Variants in ANKRD11 observed in about 807,000 individuals in gnomAD.
The protein encoded by ANKRD11 is ankyrin repeat domain-containing protein 11.
A neutral mutation model predicts 195.7 loss-of-function variants in ANKRD11; 17 were observed. The ratio of observed to expected loss-of-function variants is 0.09; its 90% CI spans 0.06 to 0.13. The LOEUF (loss-of-function observed/expected upper bound fraction) is 0.13, where lower values mean the gene tolerates loss of function less well. Ranked by LOEUF, ANKRD11 falls within the 10% of genes least tolerant of loss-of-function variation. The pLI is 1.00. For synonymous variants in ANKRD11, 1,953 were observed against 1,528.1 expected (o/e 1.28, Z -6.49); for missense variants, 3,735 against 3,566.1 (o/e 1.05, Z -1.21).
intron 2 of ANKRD11, among the ~76,000 whole-genome samples, chr16:89,337,523 G>A (rs766590752): frequency 4.1e-4 from 50 of 122,232 alleles, no homozygotes; most frequent in Non-Finnish European, 5.1e-4. Context: ...TACAAGCTCC[G>A]CCTCCCGGGT....
At chr16:89,415,144 C>G (rs192807506) in intron 2 of ANKRD11, among the ~76,000 whole-genome samples, 1 of 151,254 alleles carries the variant, frequency 6.6e-6, no homozygotes, top group East Asian at 2.0e-4. Flanking sequence ...TGTAGAGATG[C>G]GGTCTCGTCA....
intron 1 of ANKRD11, among the ~76,000 whole-genome samples, chr16:89,420,803 AC>A (rs1488146969): frequency 1.3e-5 from 2 of 152,152 alleles, no homozygotes; most frequent in Non-Finnish European, 2.9e-5. Context: ...TGCGGCCTCA[AC>A]CTCCTGGGCC....
chr16:89,430,328 A>T (rs1434776073), intron 1 of ANKRD11, among the ~76,000 whole-genome samples: 26 of 131,726 alleles, frequency 2.0e-4, no homozygotes, highest in East Asian at 6.9e-4. Context: ...TCGCGCTCAG[A>T]CGTTCTAGTA....
In ANKRD11 at chr16:89,270,409, C is replaced by T. The variant is rs748395505; in HGVS notation, c.7806+408G>A. 7 of 304,186 alleles carry T rather than the reference C, an allele frequency of 2.3e-5. No homozygotes were observed. The East Asian group carries it at 2.5e-4, about 11-fold the overall frequency. 18.8% of individuals were successfully genotyped at this position (304,186 alleles called of 1,614,324 possible). On this transcript the variant is annotated intron_variant, in intron 12 of 12. Transcript: ENST00000301030. Reference sequence around the variant, plus strand: ...AGGGTGTCCCGGTGAGCAGCCCTCGCGACCGGGATAAGGGTGTGCTGCCCT... The same window carrying T: ...AGGGTGTCCCGGTGAGCAGCCCTCGTGACCGGGATAAGGGTGTGCTGCCCT...
intron 2 of ANKRD11, among the ~76,000 whole-genome samples, chr16:89,350,077 CA>C (rs1233975243): frequency 6.6e-6 from 1 of 152,060 alleles, no homozygotes; most frequent in Non-Finnish European, 1.5e-5. Flanking sequence ...TTCCCCCCAC[CA>C]AAAAAGCCAC....
At chr16:89,388,468 G>A (rs953891354) in intron 2 of ANKRD11, among the ~76,000 whole-genome samples, 2 of 151,872 alleles carry the variant, frequency 1.3e-5, no homozygotes, top group African/African-American at 2.4e-5. Flanking sequence ...AAATCGACAC[G>A]GAATAGAAAA....
chr16:89,335,420 G>T lies in ANKRD11; in HGVS notation c.-59-18342C>A, dbSNP rs565417743. On this transcript the variant is annotated intron_variant, in intron 2 of 12. Transcript: ENST00000301030. ...GCAGCTTGAGGCCTCTGCATTCAGGGGTCTCTGCCGTCCTGAGCTTCAGGA... is the reference window on the plus strand; with the variant it reads ...GCAGCTTGAGGCCTCTGCATTCAGGTGTCTCTGCCGTCCTGAGCTTCAGGA... 2.6e-5 allele frequency among the ~76,000 whole-genome samples: 4 copies of T among 152,284 alleles called. No homozygotes were observed. In the South Asian group the frequency reaches 8.3e-4, roughly 32 times the overall value.
chr16:89,276,169 A>G (rs540620970), intron 9 of ANKRD11, among the ~76,000 whole-genome samples: 2 of 152,274 alleles, frequency 1.3e-5, no homozygotes, highest in Non-Finnish European at 2.9e-5. Flanking sequence ...AGAGCTCCTG[A>G]CAGCCAAGGC....
Position 89,281,994 on chromosome 16 carries a change from G to T in ANKRD11, c.4548C>A (p.Asp1516Glu). Residue 1516 changes from aspartate (D) to glutamate (E), a missense_variant, in exon 9 of 13, where the codon GAC (aspartate) becomes GAA (glutamate). Coordinates refer to ENST00000301030, the MANE Select transcript of ANKRD11 (RefSeq NM_013275.6). This position sits in a 1 kb window ranked among gnomAD's most constrained non-coding sequence, Gnocchi z 5.5. ...GCCTCGGGCCCTCGTCCCTGGACTT[G>T]TCTTTGAGCACGCGGGGCGGGCTGT... ...DKDSPPRVLK[D>E]KSRDEGPRLG... 6.2e-7 allele frequency: 1 copy of T among 1,613,136 alleles called. No individual in the cohort carries two copies.
intron 1 of ANKRD11, among the ~76,000 whole-genome samples, chr16:89,464,753 ATAACT>A (rs567776491): frequency 9.5e-4 from 145 of 152,338 alleles, no homozygotes; most frequent in Non-Finnish European, 1.6e-3. Flanking sequence ...AATCAGACAA[ATAACT>A]TAAGTTTAGA....
At chr16:89,408,994 A>G (rs933856455) in intron 2 of ANKRD11, among the ~76,000 whole-genome samples, 3 of 152,036 alleles carry the variant, frequency 2.0e-5, no homozygotes, top group African/African-American at 7.3e-5. Flanking sequence ...GGCGGCCCCA[A>G]CCCTGCCTCT....
intron 1 of ANKRD11, among the ~76,000 whole-genome samples, chr16:89,429,690 A>T: frequency 2.3e-5 from 1 of 42,766 alleles, no homozygotes; most frequent in Non-Finnish European, 4.6e-5. Flanking sequence ...CTCAACTCTC[A>T]CGCTCAGTCG....
intron 2 of ANKRD11, among the ~76,000 whole-genome samples, chr16:89,398,588 C>G (rs896637555): frequency 6.6e-6 from 1 of 151,978 alleles, no homozygotes; most frequent in Non-Finnish European, 1.5e-5. Flanking sequence ...AATAAAAAAA[C>G]AAAAATAGCT....
At chr16:89,353,596 G>T (rs1196668494) in intron 2 of ANKRD11, among the ~76,000 whole-genome samples, 1 of 151,946 alleles carries the variant, frequency 6.6e-6, no homozygotes, top group Non-Finnish European at 1.5e-5. Context: ...TCCTGCCTCA[G>T]CCTCCCTAGT....
At chr16:89,311,057 A>T (rs1164589171) in intron 3 of ANKRD11, among the ~76,000 whole-genome samples, 1 of 152,248 alleles carries the variant, frequency 6.6e-6, no homozygotes, top group Non-Finnish European at 1.5e-5. Flanking sequence ...CAGGTTGAGG[A>T]AATTCCTCTC....
intron 1 of ANKRD11, among the ~76,000 whole-genome samples, chr16:89,457,553 G>A (rs1157438038): frequency 8.8e-5 from 13 of 147,772 alleles, no homozygotes; most frequent in East Asian, 2.1e-4. Flanking sequence ...AGCTGAGATC[G>A]CGCCACTGCA....
At chr16:89,380,348 G>A (rs1287943262) in intron 2 of ANKRD11, among the ~76,000 whole-genome samples, 1 of 152,146 alleles carries the variant, frequency 6.6e-6, no homozygotes, top group African/African-American at 2.4e-5. Context: ...CTGACCTCAG[G>A]TGATCCACCC....
intron 1 of ANKRD11, among the ~76,000 whole-genome samples, chr16:89,462,883 A>G (rs1387506787): frequency 6.7e-6 from 1 of 148,432 alleles, no homozygotes; most frequent in Non-Finnish European, 1.5e-5. Flanking sequence ...CAGCCGCCCC[A>G]TCCGGGAGGG....
Position 89,280,990 on chromosome 16 carries a change from T to C in ANKRD11, c.5552A>G (p.Tyr1851Cys), listed in dbSNP as rs376366933. ...CGACGGGAGGCCATAGTCTGGGGAG[T>C]AGTACCCTGGCGACAAGCAGGCAAA... is the stretch of plus-strand genomic sequence containing the variant. Reference protein sequence around the residue: ...EKFACLSPGYYSPDYGLPSPK... With the variant: ...EKFACLSPGYCSPDYGLPSPK... The change falls in exon 9 of 13, where the codon TAC (tyrosine) becomes TGC (cysteine). Residue 1851 changes from tyrosine to cysteine, a missense_variant. Coordinates refer to ENST00000301030, the MANE Select transcript of ANKRD11 (RefSeq NM_013275.6). 2.3e-5 allele frequency: 37 copies of C among 1,578,074 alleles called. No individual in the cohort carries two copies. The highest frequency in any genetic ancestry group is 1.8e-4 in the South Asian group (15 of 85,700).
Sources: gnomAD v4.1 joint callset for allele counts (sites outside exome capture counted in the v4.1 genomes callset) on GRCh38, gnomAD v4.1.1 for gene constraint, Gnocchi (gnomAD v3.1) non-coding constraint, MANE v1.5 for transcripts, NCBI Gene and HGNC (gene_info 2026-07-23, HGNC 2026-07-21) for gene names.